SLC8A1: variants seen among roughly 807,000 people sequenced by gnomAD.
The protein encoded by SLC8A1 is solute carrier family 8 member A1.
Under a neutral mutation model 68.3 loss-of-function variants are expected in SLC8A1, and 18 were observed. That is an observed-to-expected ratio of 0.26 (90% CI 0.18 to 0.39). SLC8A1 has a LOEUF of 0.39. Ranked by LOEUF, SLC8A1 falls within the 10% of genes least tolerant of loss-of-function variation. The pLI is 1.00. For missense variants in SLC8A1, 985 were observed against 1,156.7 expected (o/e 0.85, Z 2.15); for synonymous variants, 475 against 415.5 (o/e 1.14, Z -1.74).
At chr2:40,340,932 T>C (rs150931205) in intron 2 of SLC8A1, among the ~76,000 whole-genome samples, 4 of 152,308 alleles carry the variant, frequency 2.6e-5, no homozygotes, top group South Asian at 4.2e-4. Context: ...TACACAAATA[T>C]ACATTCCCAT....
intron 2 of SLC8A1, among the ~76,000 whole-genome samples, chr2:40,367,438 T>TC (rs1439585822): frequency 2.6e-5 from 4 of 152,050 alleles, no homozygotes; most frequent in Admixed American, 2.0e-4. Context: ...ATCCCTTTTT[T>TC]CCCCGACTGA....
intron 2 of SLC8A1, among the ~76,000 whole-genome samples, chr2:40,370,129 C>A (rs367551405): frequency 1.4e-4 from 22 of 152,086 alleles, no homozygotes; most frequent in African/African-American, 4.1e-4. Context: ...ACAGATTCAA[C>A]ACACAATACC....
intron 1 of SLC8A1, among the ~76,000 whole-genome samples, chr2:40,439,522 T>G (rs1237137225): frequency 6.6e-6 from 1 of 152,158 alleles, no homozygotes; most frequent in East Asian, 1.9e-4. Context: ...GAACTGGGGA[T>G]GTTTAATACA....
intron 2 of SLC8A1, among the ~76,000 whole-genome samples, chr2:40,239,275 C>T (rs867156127): frequency 1.3e-5 from 2 of 152,134 alleles, no homozygotes; most frequent in African/African-American, 2.4e-5. Flanking sequence ...CCAATCACTA[C>T]TCCTATTGTT....
At chr2:40,170,149 T>A (rs927937583) in intron 4 of SLC8A1, 132 bp downstream of exon 7, 1 of 784,970 alleles carries the variant, frequency 1.3e-6, no homozygotes, top group Non-Finnish European at 2.1e-6. Context: ...TACCACTGGC[T>A]GCCAGAGAAG....
chr2:40,406,173 C>G (rs958607254), intron 2 of SLC8A1, among the ~76,000 whole-genome samples: 1 of 152,132 alleles, frequency 6.6e-6, no homozygotes, highest in African/African-American at 2.4e-5. Context: ...GTTTTAAATT[C>G]CGCATTTTCT....
chr2:40,226,419 T>G (rs1328014093), intron 2 of SLC8A1, among the ~76,000 whole-genome samples: 1 of 152,098 alleles, frequency 6.6e-6, no homozygotes, highest in Non-Finnish European at 1.5e-5. Flanking sequence ...GGCTTGGAAA[T>G]GTATAGACTG....
intron 2 of SLC8A1, among the ~76,000 whole-genome samples, chr2:40,379,035 C>G (rs909338146): frequency 1.3e-5 from 2 of 152,084 alleles, no homozygotes; most frequent in African/African-American, 2.4e-5. Context: ...GCTCTTTGTC[C>G]ATCTTTGTCA....
At chr2:40,374,997 A>G (rs1207837146) in intron 2 of SLC8A1, among the ~76,000 whole-genome samples, 1 of 152,088 alleles carries the variant, frequency 6.6e-6, no homozygotes, top group African/African-American at 2.4e-5. Flanking sequence ...TTCCAGAGTA[A>G]TAAATCTTCC....
intron 2 of SLC8A1, among the ~76,000 whole-genome samples, chr2:40,198,512 A>T (rs530541936): frequency 2.8e-4 from 43 of 152,104 alleles, no homozygotes; most frequent in African/African-American, 1.0e-3. Flanking sequence ...CAGTTGCTAT[A>T]AGAAAAATAT....
At chr2:40,166,728 G>GTTGA (rs907699893) in intron 4 of SLC8A1, among the ~76,000 whole-genome samples, 2 of 152,208 alleles carry the variant, frequency 1.3e-5, no homozygotes, top group Non-Finnish European at 2.9e-5. Flanking sequence ...AATTAATAAT[G>GTTGA]TTGATTACCA....
At chr2:40,405,331 A>T (rs1244002202) in intron 2 of SLC8A1, among the ~76,000 whole-genome samples, 15 of 152,232 alleles carry the variant, frequency 9.9e-5, no homozygotes, top group Admixed American at 9.8e-4. Context: ...GAAAAATTTA[A>T]ATAAATATGG....
At chr2:40,236,172 G>C (rs1157177947) in intron 2 of SLC8A1, among the ~76,000 whole-genome samples, 1 of 151,788 alleles carries the variant, frequency 6.6e-6, no homozygotes, top group Non-Finnish European at 1.5e-5. Context: ...TTTCTGTCTT[G>C]TTGATCTGTC....
intron 1 of SLC8A1, among the ~76,000 whole-genome samples, chr2:40,474,413 C>A (rs1402576895): frequency 1.3e-5 from 2 of 152,116 alleles, no homozygotes; most frequent in East Asian, 3.8e-4. Flanking sequence ...AGAAAAGAAA[C>A]CTTAAATGGC....
intron 2 of SLC8A1, among the ~76,000 whole-genome samples, chr2:40,350,827 T>C (rs923967272): frequency 2.6e-5 from 4 of 152,092 alleles, no homozygotes; most frequent in African/African-American, 9.7e-5. Flanking sequence ...GTAGGCACTC[T>C]ATATAAATTA....
intron 2 of SLC8A1, among the ~76,000 whole-genome samples, chr2:40,232,798 T>A (rs2059856650): frequency 7.8e-6 from 1 of 128,546 alleles, no homozygotes; most frequent in South Asian, 2.6e-4. Context: ...CCTTCCTGTG[T>A]CCATGTGATC....
chr2:40,300,093 G>A (rs1018702706), intron 2 of SLC8A1, among the ~76,000 whole-genome samples: 1 of 152,068 alleles, frequency 6.6e-6, no homozygotes, highest in Non-Finnish European at 1.5e-5. Flanking sequence ...TGGGCCACAG[G>A]ATCTTCTAAG....
At chr2:40,122,975 G>A (rs1269159121) in intron 7 of SLC8A1, among the ~76,000 whole-genome samples, 1 of 152,140 alleles carries the variant, frequency 6.6e-6, no homozygotes, top group Non-Finnish European at 1.5e-5. Flanking sequence ...AAAAATGGAG[G>A]TTTATTTTTC....
chr2:40,131,996 A>AT (rs1460084960), intron 7 of SLC8A1, among the ~76,000 whole-genome samples: 1 of 150,544 alleles, frequency 6.6e-6, no homozygotes, highest in Non-Finnish European at 1.5e-5. Flanking sequence ...TCATTTCTGA[A>AT]TTTTTTTGAA....
Sources: allele counts gnomAD v4.1 joint callset (sites outside exome capture counted in the v4.1 genomes callset), GRCh38; gene constraint gnomAD v4.1.1; transcripts MANE v1.5; gene names NCBI Gene and HGNC (gene_info 2026-07-23, HGNC 2026-07-21).